The following CEP85L variants were observed in gnomAD, a reference collection of about 807,000 sequenced individuals.
CEP85L encodes centrosomal protein of 85 kDa-like.
In CEP85L, 60 loss-of-function variants were observed where a neutral mutation model predicts 100.3. The ratio of observed to expected loss-of-function variants is 0.60; its 90% confidence interval spans 0.49 to 0.74. The LOEUF is 0.74. Ranked by LOEUF, CEP85L falls within the 30% of genes least tolerant of loss-of-function variation. CEP85L has a pLI of 0.00. For missense variants in CEP85L, 973 were observed against 936.2 expected (o/e 1.04, Z -0.51); for synonymous variants, 319 against 322.7 (o/e 0.99, Z 0.12).
intron 1 of CEP85L, among the ~76,000 whole-genome samples, chr6:118,687,071 G>A (rs1475343622): frequency 1.3e-5 from 2 of 152,002 alleles, no homozygotes; most frequent in East Asian, 1.9e-4. Flanking sequence ...TGACCTCAGG[G>A]CTCATACATA....
At chr6:118,539,561 A>C (rs974037531) in intron 3 of CEP85L, among the ~76,000 whole-genome samples, 5 of 152,216 alleles carry the variant, frequency 3.3e-5, no homozygotes, top group African/African-American at 1.2e-4. Flanking sequence ...ATTTTTCTAA[A>C]AGGATATAAA....
At chr6:118,523,122 C>T (rs1033910560) in intron 4 of CEP85L, among the ~76,000 whole-genome samples, 1 of 152,112 alleles carries the variant, frequency 6.6e-6, no homozygotes, top group Non-Finnish European at 1.5e-5. Context: ...AAAAAGCCTC[C>T]TGGAATTGCT....
chr6:118,618,996 AT>A (rs1245766471), intron 2 of CEP85L, among the ~76,000 whole-genome samples: 1 of 152,164 alleles, frequency 6.6e-6, no homozygotes, highest in African/African-American at 2.4e-5. Flanking sequence ...GGCAAGGATG[AT>A]TTCCATTCTG....
intron 2 of CEP85L, among the ~76,000 whole-genome samples, chr6:118,614,789 C>A (rs1213005900): frequency 6.6e-6 from 1 of 152,146 alleles, no homozygotes; most frequent in Non-Finnish European, 1.5e-5. Context: ...TGCAGTGAGC[C>A]AAGATCGTGC....
intron 4 of CEP85L, among the ~76,000 whole-genome samples, chr6:118,518,042 G>T (rs1776387132): frequency 6.6e-6 from 1 of 152,158 alleles, no homozygotes; most frequent in Admixed American, 6.5e-5. Flanking sequence ...TTATTGATAT[G>T]CGTATGTTGA....
chr6:118,467,940 A>C (rs1772651343), intron 12 of CEP85L, among the ~76,000 whole-genome samples: 1 of 152,072 alleles, frequency 6.6e-6, no homozygotes, highest in Non-Finnish European at 1.5e-5. Context: ...CAACTATAGC[A>C]CCTATCAGAA....
chr6:118,589,189 G>GA, intron 2 of CEP85L: 1 of 242,014 alleles, frequency 4.1e-6, no homozygotes, highest in South Asian at 6.8e-5. Flanking sequence ...GGGGAAAGCT[G>GA]AAAAACTCAG....
upstream of CEP85L, among the ~76,000 whole-genome samples, chr6:118,654,059 A>T (rs1284543779): frequency 6.6e-6 from 1 of 152,226 alleles, no homozygotes; most frequent in Non-Finnish European, 1.5e-5. Flanking sequence ...AATTTATCAG[A>T]TTGTGCAAAC....
intron 4 of CEP85L, among the ~76,000 whole-genome samples, chr6:118,517,154 T>C (rs1370885338): frequency 2.0e-5 from 3 of 152,226 alleles, no homozygotes; most frequent in African/African-American, 4.8e-5. Flanking sequence ...AGCGTTTTAG[T>C]ATAGTTTGAA....
chr6:118,668,493 A>G (rs1368692988), intron 1 of CEP85L, among the ~76,000 whole-genome samples: 1 of 152,198 alleles, frequency 6.6e-6, no homozygotes, highest in Non-Finnish European at 1.5e-5. Flanking sequence ...AGTCCCCACT[A>G]CTTGCTACTC....
Position 118,709,519 on chromosome 6 carries a change from TAAC to T in CEP85L, c.-28+514_-28+516del, listed in dbSNP as rs1279970665. Reference sequence around the variant, plus strand: ...CATTTCCTCTCATAAAGATAACCAGTAACAACAATTGGCGTGTGTGTGTGTGTG... The same window carrying T: ...CATTTCCTCTCATAAAGATAACCAGTAACAATTGGCGTGTGTGTGTGTGTG... On this transcript the variant is annotated intron_variant, in intron 1 of 13. Coordinates refer to the CEP85L transcript ENST00000368488. Among the ~76,000 whole-genome samples, 9 of 29,216 alleles carry T rather than the reference TAAC, an allele frequency of 3.1e-4. No individual in the cohort carries two copies. The South Asian group carries it at 5.8e-3, about 19-fold the overall frequency. The allele number at this position is 29,216 out of a possible 152,430, so 19.2% of individuals were successfully genotyped here.
At chr6:118,650,151 T>A (rs1775451424) in intron 1 of CEP85L, among the ~76,000 whole-genome samples, 1 of 152,194 alleles carries the variant, frequency 6.6e-6, no homozygotes, top group Non-Finnish European at 1.5e-5. Context: ...AAACACTTTG[T>A]GGAGCAAGGT....
At chr6:118,476,143 A>T (rs1047311827) in intron 10 of CEP85L, among the ~76,000 whole-genome samples, 4 of 152,172 alleles carry the variant, frequency 2.6e-5, no homozygotes, top group Non-Finnish European at 5.9e-5. Flanking sequence ...CCCCCGCGAC[A>T]TAACTGATTT....
At chr6:118,525,449 G>A (rs1409563148) in intron 3 of CEP85L, among the ~76,000 whole-genome samples, 1 of 152,154 alleles carries the variant, frequency 6.6e-6, no homozygotes, top group African/African-American at 2.4e-5. Context: ...GCTAAGATGA[G>A]CTCCTTAAGG....
chr6:118,578,535 T>C (rs1450368390), intron 2 of CEP85L, among the ~76,000 whole-genome samples: 1 of 151,944 alleles, frequency 6.6e-6, no homozygotes, highest in Non-Finnish European at 1.5e-5. Context: ...ATTGAGACCA[T>C]CCCAGCCAAC....
chr6:118,602,038 C>A (rs1781815561), intron 2 of CEP85L, among the ~76,000 whole-genome samples: 3 of 152,120 alleles, frequency 2.0e-5, no homozygotes, highest in African/African-American at 7.2e-5. Flanking sequence ...GGTTCACACG[C>A]CTCTAACATT....
At chr6:118,643,338 T>A (rs898990736) in intron 1 of CEP85L, among the ~76,000 whole-genome samples, 1 of 152,320 alleles carries the variant, frequency 6.6e-6, no homozygotes, top group East Asian at 1.9e-4. Flanking sequence ...TTTCTTATGG[T>A]CAGGAGGCAA....
intron 7 of CEP85L, among the ~76,000 whole-genome samples, chr6:118,482,380 TG>T: frequency 6.6e-6 from 1 of 152,292 alleles, no homozygotes; most frequent in South Asian, 2.1e-4. Flanking sequence ...CTCCATTTCC[TG>T]GTAACCAACT....
Position 118,651,280 on chromosome 6 carries a change from A to G in CEP85L, c.-11T>C. On this transcript the variant is annotated 5_prime_UTR_variant, in exon 1 of 13. Transcript: ENST00000368491. ...GAAGCGCCCCCACATCGCGGGCGAG[A>G]GGGCCGGGTGGGCCAGGGACGCCCG... 1.2e-5 allele frequency: 18 copies of G among 1,483,382 alleles called. No homozygotes were observed. Among genetic ancestry groups the G allele is most frequent in the Non-Finnish European group, 1.6e-5 (18 of 1,120,682 alleles). 91.9% of individuals were successfully genotyped at this position (1,483,382 alleles called of 1,614,324 possible).
Sources: allele counts gnomAD v4.1 joint callset (sites outside exome capture counted in the v4.1 genomes callset), GRCh38; gene constraint gnomAD v4.1.1; transcripts MANE v1.5; gene names NCBI Gene and HGNC (gene_info 2026-07-23, HGNC 2026-07-21).